The following LDLRAD3 variants were observed in gnomAD, a reference collection of about 807,000 sequenced individuals.
LDLRAD3 encodes low density lipoprotein receptor class A domain containing 3.
A neutral mutation model predicts 29.4 loss-of-function variants in LDLRAD3; 20 were observed. That is an observed-to-expected ratio of 0.68 (90% confidence interval 0.48 to 0.99). The LOEUF is 0.99. LDLRAD3 is among the 50% of genes least tolerant of loss of function. The probability of loss-of-function intolerance (pLI) is 0.00; values close to 1 mark genes in which losing one functional copy is unlikely to be tolerated. For synonymous variants in LDLRAD3, 157 were observed against 192.7 expected (o/e 0.81, Z 1.53); for missense variants, 420 against 454.3 (o/e 0.92, Z 0.69).
At chr11:36,063,230 G>GA (rs1485597868) in intron 2 of LDLRAD3, among the ~76,000 whole-genome samples, 2 of 151,894 alleles carry the variant, frequency 1.3e-5, no homozygotes, top group African/African-American at 4.8e-5. Flanking sequence ...GACTTTCCTG[G>GA]AAAAAAGCAA....
chr11:36,128,129 T>TATATATATATATATATATATATATATAC (rs1853867673), intron 4 of LDLRAD3, among the ~76,000 whole-genome samples: 1 of 124,634 alleles, frequency 8.0e-6, no homozygotes. Context: ...TATATATATA[T>TATATATATATATATATATATATATATAC]ATATATGTAT....
At position 36,106,263 on chromosome 11, in the gene LDLRAD3, C is replaced by T. The variant is rs151069939; in HGVS notation, c.454+7802C>T. 2.2e-4 allele frequency among the ~76,000 whole-genome samples: 34 copies of T among 152,304 alleles called. 1 individual carries two copies. The East Asian group carries it at 6.4e-3, about 28-fold the overall frequency. On this transcript the variant is annotated intron_variant, in intron 4 of 5. Coordinates refer to ENST00000315571, the MANE Select transcript of LDLRAD3 (RefSeq NM_174902.4). ...TTGGTGCACAGACCTCATTATCTCT[C>T]TCTACAACAGCCCCAGACCTGGAGT...
rs36041385 is a variant in LDLRAD3 at position 35,994,336 on chromosome 11, C to CAA, written c.47-41739_47-41738dup. ...TGGGGGACAGAGAGAGACTTTGTCT[C>CAA]AAAAAAAAAAAAAAAAAAAAAAAAA... On this transcript the variant is annotated intron_variant, in intron 1 of 5. Transcript: ENST00000315571. Among the ~76,000 whole-genome samples, 33 of 49,036 alleles carry CAA rather than the reference C, an allele frequency of 6.7e-4. 2 individuals are homozygous for CAA. The highest frequency in any genetic ancestry group is 1.5e-3 in the Admixed American group (5 of 3,366). 32.2% of individuals were successfully genotyped at this position (49,036 alleles called of 152,430 possible).
intron 2 of LDLRAD3, among the ~76,000 whole-genome samples, chr11:36,057,300 G>A (rs562117844): frequency 1.3e-5 from 2 of 152,284 alleles, no homozygotes; most frequent in Non-Finnish European, 2.9e-5. Flanking sequence ...GGGGCCAGAA[G>A]CCCACTTGTA....
chr11:36,089,239 G>C (rs772378805), intron 3 of LDLRAD3, among the ~76,000 whole-genome samples: 1 of 152,124 alleles, frequency 6.6e-6, no homozygotes, highest in Non-Finnish European at 1.5e-5. Context: ...CATGCTTTAC[G>C]TGGATGATCT....
intron 1 of LDLRAD3, among the ~76,000 whole-genome samples, chr11:35,981,277 G>A (rs555245759): frequency 6.6e-6 from 1 of 152,234 alleles, no homozygotes; most frequent in Admixed American, 6.5e-5. Context: ...AACTCTGCAG[G>A]CAGAGTAACT....
rs760286100 is a variant in LDLRAD3, at chr11:36,036,087, C to T, written c.47-16C>T. On this transcript the variant is annotated splice_polypyrimidine_tract_variant and intron_variant, in intron 1 of 5. Coordinates refer to ENST00000315571, the MANE Select transcript of LDLRAD3 (RefSeq NM_174902.4). The stretch of plus-strand genomic sequence containing the variant: ...GCTGTTGCTGTGCCGTCTGACCTGT[C>T]CCCTCTCTCTGACAGAGAGCCAGCT... 9 of 1,612,550 alleles carry T rather than the reference C, an allele frequency of 5.6e-6. No homozygotes were observed. The South Asian group carries it at 8.8e-5, about 16-fold the overall frequency.
intron 4 of LDLRAD3, among the ~76,000 whole-genome samples, chr11:36,175,532 G>C (rs1474586517): frequency 6.6e-6 from 1 of 152,070 alleles, no homozygotes; most frequent in African/African-American, 2.4e-5. Context: ...TCAGTTCAAG[G>C]AATTTTAATT....
At chr11:36,041,434 C>A (rs760914105) in intron 2 of LDLRAD3, among the ~76,000 whole-genome samples, 17 of 152,220 alleles carry the variant, frequency 1.1e-4, no homozygotes, top group Non-Finnish European at 2.2e-4. Context: ...CTCTAGGTAT[C>A]TGTTACCCTG....
chr11:36,113,749 T>C (rs1159363911), intron 4 of LDLRAD3, among the ~76,000 whole-genome samples: 2 of 149,260 alleles, frequency 1.3e-5, no homozygotes, highest in Non-Finnish European at 3.0e-5. Flanking sequence ...TCTCAGCCCA[T>C]TGCAACCCCT....
At position 36,122,010 on chromosome 11, in the gene LDLRAD3, A is replaced by G. The variant is rs1033548451; in HGVS notation, c.454+23549A>G. Among the ~76,000 whole-genome samples the G allele has an allele frequency of 2.0e-5, 3 of 152,180 alleles. No individual in the cohort carries two copies. In the East Asian group the frequency reaches 5.8e-4, roughly 29 times the overall value. On this transcript the variant is annotated intron_variant, in intron 4 of 5. Transcript: ENST00000315571. ...CACAATCCCCATTTTACAGGAGGGG[A>G]AAGTGAGGTTAAGGGAGACAATGGG...
chr11:36,205,286 A>G (rs890556403), intron 4 of LDLRAD3, among the ~76,000 whole-genome samples: 1 of 152,160 alleles, frequency 6.6e-6, no homozygotes, highest in Admixed American at 6.5e-5. Context: ...AAGGCAGCTT[A>G]CAGCTTTCTC....
At position 35,977,600 on chromosome 11, in the gene LDLRAD3, G is replaced by C. The variant is rs528153126; in HGVS notation, c.46+33456G>C. 3.1e-4 allele frequency among the ~76,000 whole-genome samples: 47 copies of C among 152,246 alleles called. 1 individual carries two copies. In the South Asian group the frequency reaches 9.8e-3, roughly 32 times the overall value. On this transcript the variant is annotated intron_variant, in intron 1 of 5. Transcript: ENST00000315571. The stretch of plus-strand genomic sequence containing the variant: ...GGTATCCTGGGAGAGTACAGGTAGG[G>C]AGAGGCCCAATGAGACGCCCGTCTT...
Position 36,192,973 on chromosome 11 carries a change from C to T in LDLRAD3, c.455-34112C>T, listed in dbSNP as rs552911764. Among the ~76,000 whole-genome samples the T allele has an allele frequency of 2.6e-5, 4 of 152,280 alleles. No individual in the cohort carries two copies. In the East Asian group the frequency reaches 7.7e-4, roughly 29 times the overall value. On this transcript the variant is annotated intron_variant, in intron 4 of 5. Coordinates refer to ENST00000315571, the MANE Select transcript of LDLRAD3 (RefSeq NM_174902.4). ...GAGGAAGTTACTTCACTTCCCTGAT[C>T]CTCCATTTTCTCTTCTGTAAAATGG...
chr11:36,151,588 G>A (rs1414312842), intron 4 of LDLRAD3, among the ~76,000 whole-genome samples: 1 of 152,002 alleles, frequency 6.6e-6, no homozygotes, highest in Non-Finnish European at 1.5e-5. Flanking sequence ...ATGGCACTCC[G>A]CTCCCTCCTT....
intron 2 of LDLRAD3, among the ~76,000 whole-genome samples, chr11:36,056,759 T>C (rs1852627088): frequency 6.6e-6 from 1 of 152,198 alleles, no homozygotes; most frequent in Non-Finnish European, 1.5e-5. Flanking sequence ...AGGAACACTT[T>C]GCTATCTCCT....
intron 2 of LDLRAD3, among the ~76,000 whole-genome samples, chr11:36,069,831 A>G (rs1185121204): frequency 3.9e-5 from 6 of 152,114 alleles, no homozygotes; most frequent in African/African-American, 1.2e-4. Flanking sequence ...GGTGTCTTCT[A>G]TGTATTCTCA....
chr11:36,112,346 A>G (rs539421214), intron 4 of LDLRAD3, among the ~76,000 whole-genome samples: 1 of 152,360 alleles, frequency 6.6e-6, no homozygotes, highest in African/African-American at 2.4e-5. Context: ...CCAGGAATAC[A>G]CAACCATCTC....
chr11:35,965,290 T>A (rs1391109281), intron 1 of LDLRAD3, among the ~76,000 whole-genome samples: 1 of 152,224 alleles, frequency 6.6e-6, no homozygotes, highest in Non-Finnish European at 1.5e-5. Context: ...AGGATGGTCC[T>A]GTAAGTGGAA....
Sources: gnomAD v4.1 joint callset for allele counts (sites outside exome capture counted in the v4.1 genomes callset) on GRCh38, gnomAD v4.1.1 for gene constraint, MANE v1.5 for transcripts, NCBI Gene and HGNC (gene_info 2026-07-23, HGNC 2026-07-21) for gene names.